The following PACRG variants were observed in gnomAD, a reference collection of about 807,000 sequenced individuals.
PACRG encodes parkin coregulated, also known as parkin coregulated gene protein.
A neutral mutation model predicts 29.7 loss-of-function variants in PACRG; 29 were observed. That is an observed-to-expected ratio of 0.98 (90% CI 0.73 to 1.33). The LOEUF (loss-of-function observed/expected upper bound fraction) is 1.33. Ranked by LOEUF, PACRG falls within the 40% of genes most tolerant of loss-of-function variation. PACRG has a pLI of 0.00. For missense variants in PACRG, 279 were observed against 316.2 expected (o/e 0.88, Z 0.89); for synonymous variants, 116 against 118.7 (o/e 0.98, Z 0.15).
intron 2 of PACRG, among the ~76,000 whole-genome samples, chr6:162,983,170 T>A (rs1802574659): frequency 6.6e-6 from 1 of 151,966 alleles, no homozygotes; most frequent in East Asian, 1.9e-4. Context: ...CATTTTGCAC[T>A]CCTTTCTCTA....
intron 1 of PACRG, among the ~76,000 whole-genome samples, chr6:162,754,603 C>A (rs1781757188): frequency 6.6e-6 from 1 of 151,606 alleles, no homozygotes; most frequent in Non-Finnish European, 1.5e-5. Flanking sequence ...CCTTTCAGGT[C>A]TTATAGTTAA....
intron 4 of PACRG, chr6:163,165,723 C>G: frequency 4.0e-6 from 1 of 249,064 alleles, no homozygotes; most frequent in Non-Finnish European, 8.0e-6. Context: ...TCACCCTGTC[C>G]AGGCTTCGGG....
At chr6:162,859,575 A>T (rs1270483382) in intron 2 of PACRG, among the ~76,000 whole-genome samples, 1 of 152,112 alleles carries the variant, frequency 6.6e-6, no homozygotes, top group Non-Finnish European at 1.5e-5. Context: ...GAGGAGGTTC[A>T]TAGAAACCAA....
intron 2 of PACRG, among the ~76,000 whole-genome samples, chr6:162,947,361 TGTAATC>T (rs1799146700): frequency 2.7e-4 from 1 of 3,728 alleles, no homozygotes; most frequent in African/African-American, 3.9e-4. Flanking sequence ...ATATATATAA[TGTAATC>T]ATATATAATC....
intron 2 of PACRG, among the ~76,000 whole-genome samples, chr6:162,993,004 T>C (rs2128187140): frequency 6.7e-6 from 1 of 149,262 alleles, no homozygotes; most frequent in East Asian, 2.1e-4. Flanking sequence ...ATGTACCCAG[T>C]AGTCATTCAG....
Position 163,185,504 on chromosome 6 carries a change from A to G in PACRG, c.613+96096A>G, listed in dbSNP as rs575424361. Among the ~76,000 whole-genome samples the G allele has an allele frequency of 3.9e-5, 6 of 152,322 alleles. No homozygotes were observed. In the East Asian group the frequency reaches 9.6e-4, roughly 24 times the overall value. ...TCAACACTTGGTAAATTTCACTGCA[A>G]ATATATAAGCCATTTTAAAGGAAAG... On this transcript the variant is annotated intron_variant, in intron 4 of 4. Transcript: ENST00000366888.
chr6:163,285,773 G>A (rs1784380830), intron 4 of PACRG, among the ~76,000 whole-genome samples: 1 of 152,216 alleles, frequency 6.6e-6, no homozygotes, highest in Admixed American at 6.5e-5. Flanking sequence ...ACTATGTGCG[G>A]CTCTGTATAA....
At chr6:162,873,401 C>A (rs1236704154) in intron 2 of PACRG, among the ~76,000 whole-genome samples, 3 of 152,166 alleles carry the variant, frequency 2.0e-5, no homozygotes, top group Non-Finnish European at 4.4e-5. Context: ...CCTTTACTTT[C>A]ATTTACTCAA....
intron 2 of PACRG, among the ~76,000 whole-genome samples, chr6:162,867,009 T>C (rs1181657768): frequency 6.6e-6 from 1 of 152,198 alleles, no homozygotes; most frequent in East Asian, 1.9e-4. Flanking sequence ...ATTTGTTGCA[T>C]GGTAAATAAT....
intron 4 of PACRG, among the ~76,000 whole-genome samples, chr6:163,246,140 A>C (rs770455509): frequency 2.0e-5 from 3 of 152,172 alleles, no homozygotes; most frequent in Non-Finnish European, 2.9e-5. Context: ...TCCTCCAATG[A>C]TATTCCATGA....
intron 4 of PACRG, among the ~76,000 whole-genome samples, chr6:163,251,427 G>A (rs1782901653): frequency 6.6e-6 from 1 of 152,148 alleles, no homozygotes; most frequent in South Asian, 2.1e-4. Context: ...TTCCCGGAAT[G>A]CAATGATTAT....
chr6:162,793,809 T>G (rs1363370405), intron 1 of PACRG, among the ~76,000 whole-genome samples: 1 of 152,106 alleles, frequency 6.6e-6, no homozygotes, highest in East Asian at 1.9e-4. Context: ...GAAGGGTCAT[T>G]CCCCAACTCC....
rs945383501 is a variant in PACRG at position 162,728,171 on chromosome 6, A to G, written c.-65A>G. 4.5e-6 allele frequency: 7 copies of G among 1,564,020 alleles called. No homozygotes were observed. The African/African-American group carries it at 5.5e-5, about 12-fold the overall frequency. ...ATATTTTTTTCCAGACCTCCTGCTC[A>G]CATCCGTAAAGCCCACTGATTCTTT... On this transcript the variant is annotated 5_prime_UTR_variant, in exon 1 of 5. Transcript: ENST00000366888.
chr6:163,038,467 G>A (rs964188355), intron 2 of PACRG, among the ~76,000 whole-genome samples: 1 of 152,156 alleles, frequency 6.6e-6, no homozygotes, highest in African/African-American at 2.4e-5. Context: ...AGGGCCTTTG[G>A]TAGATGAGTG....
rs1286585609 is a variant in PACRG, at chr6:163,201,204, T to G, written c.613+111796T>G. 6.6e-5 allele frequency among the ~76,000 whole-genome samples: 10 copies of G among 152,310 alleles called. No individual in the cohort carries two copies. In the East Asian group the frequency reaches 1.9e-3, roughly 29 times the overall value. On this transcript the variant is annotated intron_variant, in intron 4 of 4. Transcript: ENST00000366888. The stretch of plus-strand genomic sequence containing the variant: ...AAAGTGAATACTTAAGCGGAATTGG[T>G]GAAAACCTTTAATTTACAGAAAGTG...
intron 2 of PACRG, among the ~76,000 whole-genome samples, chr6:162,818,906 C>T (rs1022488467): frequency 2.0e-5 from 3 of 152,064 alleles, no homozygotes; most frequent in Non-Finnish European, 4.4e-5. Flanking sequence ...AGAATACCAC[C>T]CTTTTATGCA....
chr6:162,800,301 C>A (rs893242409), intron 1 of PACRG, among the ~76,000 whole-genome samples: 2 of 152,124 alleles, frequency 1.3e-5, no homozygotes, highest in Admixed American at 1.3e-4. Context: ...TTAACCTTTT[C>A]TTTTTCTCCT....
chr6:163,147,030 C>T (rs1490566966), intron 4 of PACRG, among the ~76,000 whole-genome samples: 1 of 152,194 alleles, frequency 6.6e-6, no homozygotes, highest in Non-Finnish European at 1.5e-5. Context: ...CTCTTCTAAT[C>T]ATCCTTTGCA....
At chr6:163,196,261 G>A (rs1398605131) in intron 4 of PACRG, among the ~76,000 whole-genome samples, 1 of 152,316 alleles carries the variant, frequency 6.6e-6, no homozygotes, top group Non-Finnish European at 1.5e-5. Context: ...CACGGACAGC[G>A]CCCAACAGCT....
Sources: allele counts gnomAD v4.1 joint callset (sites outside exome capture counted in the v4.1 genomes callset), GRCh38; gene constraint gnomAD v4.1.1; transcripts MANE v1.5; gene names NCBI Gene and HGNC (gene_info 2026-07-23, HGNC 2026-07-21).